Variants in FAM120A observed in about 807,000 individuals in gnomAD.
The protein encoded by FAM120A is constitutive coactivator of PPAR-gamma-like protein 1.
In FAM120A, 15 loss-of-function variants were observed where a neutral mutation model predicts 109.7. The ratio of observed to expected loss-of-function variants is 0.14; its 90% CI spans 0.09 to 0.21. FAM120A has a LOEUF of 0.21. Among genes scored for constraint, FAM120A ranks in the 10% least tolerant of loss-of-function variants. FAM120A has a pLI of 1.00. For missense variants in FAM120A, 899 were observed against 1,439.3 expected (o/e 0.62, Z 6.07); for synonymous variants, 493 against 572.8 (o/e 0.86, Z 1.99).
At chr9:93,554,060 C>T (rs995318108) in intron 12 of FAM120A, among the ~76,000 whole-genome samples, 1 of 142,030 alleles carries the variant, frequency 7.0e-6, no homozygotes, top group Non-Finnish European at 1.5e-5. Flanking sequence ...TATCTTGAAA[C>T]TATAAATAAC....
chr9:93,491,017 G>A (rs762040576), intron 3 of FAM120A, among the ~76,000 whole-genome samples: 11 of 152,198 alleles, frequency 7.2e-5, no homozygotes, highest in Non-Finnish European at 1.5e-4. Context: ...ACATGGGCCT[G>A]ATAGATAGAT....
At chr9:93,472,704 C>G (rs1472451042) in intron 2 of FAM120A, among the ~76,000 whole-genome samples, 1 of 152,196 alleles carries the variant, frequency 6.6e-6, no homozygotes, top group East Asian at 1.9e-4. Flanking sequence ...CAGTTTTACA[C>G]AACTAGAAAT....
intron 8 of FAM120A, among the ~76,000 whole-genome samples, chr9:93,527,802 T>C (rs1234763606): frequency 2.0e-5 from 3 of 151,742 alleles, no homozygotes; most frequent in Non-Finnish European, 4.4e-5. Context: ...TTTGTATTTT[T>C]AGTAGAGACG....
At chr9:93,513,114 C>T (rs1357639717) in intron 5 of FAM120A, among the ~76,000 whole-genome samples, 1 of 152,204 alleles carries the variant, frequency 6.6e-6, no homozygotes, top group Non-Finnish European at 1.5e-5. Context: ...AGATATTATA[C>T]ACTAGACATT....
At chr9:93,490,868 G>T (rs1693585549) in intron 3 of FAM120A, among the ~76,000 whole-genome samples, 1 of 152,150 alleles carries the variant, frequency 6.6e-6, no homozygotes, top group South Asian at 2.1e-4. Context: ...GATCTTTTCT[G>T]TCTGGAGTAG....
Position 93,452,248 on chromosome 9 carries a change from G to T in FAM120A, c.333G>T (p.Arg111=). ...CCCGGCTGCACGAGTGGGTCAAGCG[G>T]CAGGGCAACGAGCGCCAGACGGCAC... ...EKARLHEWVK[R]QGNERQTAQQ... Residue 111 remains arginine (R), a synonymous_variant, in exon 1 of 18, where the codon CGG becomes CGT. Transcript: ENST00000277165. The surrounding 1 kb of genome is among the most constrained non-coding windows in gnomAD (Gnocchi z 7.0). The T allele has an allele frequency of 6.2e-7, 1 of 1,610,746 alleles. No individual in the cohort carries two copies. Among genetic ancestry groups the T allele is most frequent in the South Asian group, 1.1e-5 (1 of 90,836 alleles).
intron 3 of FAM120A, among the ~76,000 whole-genome samples, chr9:93,485,008 T>A (rs1018346734): frequency 6.6e-6 from 1 of 152,216 alleles, no homozygotes; most frequent in East Asian, 1.9e-4. Flanking sequence ...CAGCCCTGTT[T>A]CTAACCAGGC....
At chr9:93,501,532 A>G (rs1859802614) in intron 5 of FAM120A, among the ~76,000 whole-genome samples, 1 of 152,196 alleles carries the variant, frequency 6.6e-6, no homozygotes, top group Non-Finnish European at 1.5e-5. Context: ...TGATAGTTTG[A>G]GGCAGCTTAG....
intron 3 of FAM120A, among the ~76,000 whole-genome samples, chr9:93,487,876 C>G (rs1859134047): frequency 6.6e-6 from 1 of 152,174 alleles, no homozygotes; most frequent in Non-Finnish European, 1.5e-5. Flanking sequence ...TAGGCAGCCC[C>G]TCCATGTGGG....
chr9:93,527,061 T>C (rs745899317), intron 7 of FAM120A, 94 bp from the exon 8 acceptor site: 31 of 886,508 alleles, frequency 3.5e-5, no homozygotes, highest in Non-Finnish European at 5.0e-5. Flanking sequence ...AGTATTGTTA[T>C]TATGAGCCTG....
rs1399493866 is a variant in FAM120A, at chr9:93,561,201, C to T, written c.2899C>T (p.Arg967Trp). ...WAGSRRGRGG[R>W]GPFPLQVVSV... ...TGGGAGCAGGCGGGGCCGTGGGGGC[C>T]GGGGGCCTTTCCCCCTGCAGGTGGT... The change falls in exon 16 of 18, where the codon CGG becomes TGG. Residue 967 changes from arginine (R) to tryptophan (W), a missense_variant. Transcript: ENST00000277165. 6 of 1,613,256 alleles carry T rather than the reference C, an allele frequency of 3.7e-6. No individual in the cohort carries two copies. The highest frequency in any genetic ancestry group is 1.3e-5 in the African/African-American group (1 of 74,866).
At chr9:93,552,764 A>G (rs965832161) in intron 12 of FAM120A, among the ~76,000 whole-genome samples, 42 of 152,356 alleles carry the variant, frequency 2.8e-4, no homozygotes, top group African/African-American at 1.0e-3. Flanking sequence ...AAAAGCAACA[A>G]CAGTGCTTTG....
At chr9:93,457,035 G>A (rs1857579001) in intron 1 of FAM120A, among the ~76,000 whole-genome samples, 1 of 152,142 alleles carries the variant, frequency 6.6e-6, no homozygotes. Flanking sequence ...ATGTCTTCAA[G>A]CTTCTTTCAT....
chr9:93,512,536 AT>A (rs59758452), intron 5 of FAM120A, among the ~76,000 whole-genome samples: 41 of 148,852 alleles, frequency 2.8e-4, no homozygotes, highest in Admixed American at 3.3e-4. Flanking sequence ...CAGTCTGCAT[AT>A]TTTTTTTTTT....
At position 93,545,548 on chromosome 9, in the gene FAM120A, C is replaced by G. The variant is rs983396385; in HGVS notation, c.2159+2077C>G. Among the ~76,000 whole-genome samples, 4 of 152,288 alleles carry G rather than the reference C, an allele frequency of 2.6e-5. No individual in the cohort carries two copies. The East Asian group carries it at 7.7e-4, about 29-fold the overall frequency. On this transcript the variant is annotated intron_variant, in intron 11 of 17. Coordinates refer to ENST00000277165, the MANE Select transcript of FAM120A (RefSeq NM_014612.5). ...CCTGTCTCACCCTCTGGGCTGGCAC[C>G]GCTTTTGCAGGCATGACTGACCATC... is the stretch of plus-strand genomic sequence containing the variant.
intron 7 of FAM120A, among the ~76,000 whole-genome samples, 199 bp downstream of exon 7, chr9:93,516,468 G>C (rs1860592258): frequency 6.6e-6 from 1 of 152,168 alleles, no homozygotes; most frequent in African/African-American, 2.4e-5. Context: ...AAGTTTCCAT[G>C]ATTTAAAATC....
intron 7 of FAM120A, among the ~76,000 whole-genome samples, chr9:93,524,735 T>C (rs1337639122): frequency 6.6e-6 from 1 of 152,240 alleles, no homozygotes; most frequent in East Asian, 1.9e-4. Flanking sequence ...GGTAGATTCC[T>C]TCTCTCTGAG....
chr9:93,545,072 C>T (rs911396128), intron 11 of FAM120A, among the ~76,000 whole-genome samples: 3 of 152,188 alleles, frequency 2.0e-5, no homozygotes, highest in East Asian at 1.9e-4. Context: ...AACTGGCCTT[C>T]GTCATCTTCT....
At chr9:93,494,085 A>G (rs1859461801) in intron 3 of FAM120A, among the ~76,000 whole-genome samples, 1 of 152,188 alleles carries the variant, frequency 6.6e-6, no homozygotes, top group African/African-American at 2.4e-5. Flanking sequence ...GTGGACTCCT[A>G]CTGAGGCCCC....
Sources: gnomAD v4.1 joint callset for allele counts (sites outside exome capture counted in the v4.1 genomes callset) on GRCh38, gnomAD v4.1.1 for gene constraint, Gnocchi (gnomAD v3.1) non-coding constraint, MANE v1.5 for transcripts, NCBI Gene and HGNC (gene_info 2026-07-23, HGNC 2026-07-21) for gene names.